Variants in KIAA1671 observed in about 807,000 individuals in gnomAD.
KIAA1671 encodes uncharacterized protein KIAA1671.
A neutral mutation model predicts 131.2 loss-of-function variants in KIAA1671; 52 were observed. That is an observed-to-expected ratio of 0.40 (90% CI 0.32 to 0.50). The LOEUF is 0.50. KIAA1671 is among the 20% of genes least tolerant of loss of function. The pLI, the probability that KIAA1671 is intolerant of heterozygous loss-of-function variation, is 0.73. For missense variants in KIAA1671, 2,360 were observed against 2,364.2 expected, an observed-to-expected ratio of 1.00 and a Z score of 0.04; for synonymous variants, 1,003 against 961.6, an observed-to-expected ratio of 1.04 and a Z score of -0.80.
At chr22:25,044,012 A>C (rs1174814056) in intron 5 of KIAA1671, among the ~76,000 whole-genome samples, 1 of 117,556 alleles carries the variant, frequency 8.5e-6, no homozygotes, top group East Asian at 1.9e-4. Context: ...GGATACAGTC[A>C]GTAATGATCA....
At chr22:25,067,406 C>T (rs1254605805) in intron 6 of KIAA1671, among the ~76,000 whole-genome samples, 3 of 152,146 alleles carry the variant, frequency 2.0e-5, no homozygotes, top group Admixed American at 1.3e-4. Context: ...GGCTTACTTT[C>T]TCTGACTTCC....
intron 1 of KIAA1671, among the ~76,000 whole-genome samples, chr22:24,967,681 T>C (rs1387746580): frequency 1.3e-5 from 2 of 152,146 alleles, no homozygotes; most frequent in Non-Finnish European, 2.9e-5. Flanking sequence ...GCAAAACCGT[T>C]TCCCTTGACA....
At position 25,003,965 on chromosome 22, in the gene KIAA1671, G is replaced by A. The variant is rs533509801; in HGVS notation, c.-207-21668G>A. 7.0e-4 allele frequency among the ~76,000 whole-genome samples: 106 copies of A among 150,708 alleles called. 1 individual carries two copies. The highest frequency in any genetic ancestry group is 1.9e-3 in the African/African-American group (79 of 40,898). On this transcript the variant is annotated intron_variant, in intron 1 of 12. Transcript: ENST00000358431. ...CCTGAGTAGCTGGGATTACAGGCGC[G>A]CGCCACCACACGCAGCTAATTTTTT...
At chr22:24,975,962 G>A (rs1186837004) in intron 1 of KIAA1671, among the ~76,000 whole-genome samples, 10 of 152,206 alleles carry the variant, frequency 6.6e-5, no homozygotes, top group Admixed American at 5.9e-4. Context: ...CACACTCCCC[G>A]CCACTATTCA....
In KIAA1671 at chr22:25,108,870, C is replaced by T. The variant is rs975662253; in HGVS notation, c.4530+59506C>T. On this transcript the variant is annotated intron_variant, in intron 6 of 12. Transcript: ENST00000358431. Reference sequence around the variant, plus strand: ...GTACTCAAGATACTGGCCAGGTCTACGGTCAGCTAAGGGTTTGACTAGAGA... The same window carrying T: ...GTACTCAAGATACTGGCCAGGTCTATGGTCAGCTAAGGGTTTGACTAGAGA... Among the ~76,000 whole-genome samples the T allele has an allele frequency of 2.6e-5, 4 of 152,098 alleles. No individual in the cohort carries two copies. The South Asian group carries it at 6.2e-4, about 24-fold the overall frequency.
In KIAA1671 at chr22:25,161,028, G is replaced by A. The variant is rs115292424; in HGVS notation, c.4531-9792G>A. The stretch of plus-strand genomic sequence containing the variant: ...TCTGCCCAGCCTCATATCCCATCTA[G>A]TTCCTTCTAGTCTGACCCCCTTCCT... On this transcript the variant is annotated intron_variant, in intron 6 of 12. Transcript: ENST00000358431. Among the ~76,000 whole-genome samples the A allele has an allele frequency of 6.8e-3, 1,038 of 152,192 alleles. 13 individuals are homozygous for A. The highest frequency in any genetic ancestry group is 0.024 in the African/African-American group (998 of 41,532).
intron 6 of KIAA1671, among the ~76,000 whole-genome samples, chr22:25,083,935 C>A (rs572706101): frequency 6.6e-6 from 1 of 152,210 alleles, no homozygotes; most frequent in Non-Finnish European, 1.5e-5. Flanking sequence ...CCCTATTTGC[C>A]GAGAGCAGCC....
chr22:25,064,921 C>A (rs1425448530), intron 6 of KIAA1671: 2 of 152,238 alleles, frequency 1.3e-5, no homozygotes, highest in Non-Finnish European at 2.9e-5. Context: ...CCATGGGGAG[C>A]TCCCAGCCCT....
intron 6 of KIAA1671, chr22:25,062,104 A>G (rs1042216361): frequency 6.7e-6 from 1 of 148,492 alleles, no homozygotes; most frequent in Non-Finnish European, 1.5e-5. Context: ...CAAGGCTGGT[A>G]TTGAACTCCT....
intron 12 of KIAA1671, among the ~76,000 whole-genome samples, 189 bp downstream of exon 12, chr22:25,190,973 G>A (rs1934654886): frequency 6.6e-6 from 1 of 152,080 alleles, no homozygotes; most frequent in Non-Finnish European, 1.5e-5. Context: ...TTTCCATTTA[G>A]GGAGAAAACA....
At chr22:25,143,370 A>G (rs1189554864) in intron 6 of KIAA1671, among the ~76,000 whole-genome samples, 1 of 152,240 alleles carries the variant, frequency 6.6e-6, no homozygotes, top group East Asian at 1.9e-4. Flanking sequence ...ATGTGTCAGA[A>G]AGCAACTGCC....
chr22:25,029,467 A>G lies in KIAA1671; in HGVS notation c.1468A>G (p.Ser490Gly). 1 of 1,551,278 alleles carries G rather than the reference A, an allele frequency of 6.4e-7. No individual in the cohort carries two copies. The highest frequency in any genetic ancestry group is 8.7e-7 in the Non-Finnish European group (1 of 1,146,802). The stretch of plus-strand genomic sequence containing the variant: ...ACGGATCAGAGGCTGGACTGCCGAG[A>G]GCTCAGAGGCTAAGCCCGAGGTCAG... ...QERIRGWTAESSEAKPEVRRR... is the reference protein window; with the variant it reads ...QERIRGWTAEGSEAKPEVRRR... Residue 490 changes from serine to glycine, a missense_variant, in exon 3 of 13, where the codon AGC (serine) becomes GGC (glycine). Ser to Gly is a moderately conservative substitution (Grantham distance 56). Around this residue, in one of 3 missense-constraint regions of KIAA1671, gnomAD observed 1,185 missense variants for 1,126.2 expected, o/e 1.05. Coordinates refer to ENST00000358431, the MANE Select transcript of KIAA1671 (RefSeq NM_001145206.2).
chr22:25,048,561 C>T (rs910282328), intron 5 of KIAA1671, among the ~76,000 whole-genome samples: 2 of 152,106 alleles, frequency 1.3e-5, no homozygotes, highest in Non-Finnish European at 2.9e-5. Context: ...GCCTTTGTTT[C>T]CTTGTCCACG....
chr22:25,174,421 G>A lies in KIAA1671; in HGVS notation c.4831G>A (p.Gly1611Arg). The A allele has an allele frequency of 6.5e-7, 1 of 1,549,494 alleles. No individual in the cohort carries two copies. Among genetic ancestry groups the A allele is most frequent in the Non-Finnish European group, 8.7e-7 (1 of 1,145,120 alleles). ...HSSTDLESTD[G>R]MEGPPPPDAC... is the part of the protein sequence containing the mutation. ...CAGCACTGACCTGGAATCCACCGAT[G>A]GGATGGAGGGGCCGCCTCCACCGGA... Residue 1611 changes from glycine to arginine, a missense_variant, in exon 8 of 13, where the codon GGG becomes AGG. Transcript: ENST00000358431.
intron 1 of KIAA1671, among the ~76,000 whole-genome samples, chr22:24,994,905 G>A (rs1339062131): frequency 6.6e-6 from 1 of 151,964 alleles, no homozygotes; most frequent in African/African-American, 2.4e-5. Flanking sequence ...GAGTTGGGGC[G>A]AGGGGTCCAC....
intron 1 of KIAA1671, chr22:25,024,600 A>G (rs1925836998): frequency 6.6e-6 from 1 of 152,242 alleles, no homozygotes; most frequent in Non-Finnish European, 1.5e-5. Flanking sequence ...CAGATTGCTT[A>G]GAGTCATTTG....
rs184345713 is a variant in KIAA1671 at position 25,112,495 on chromosome 22, C to T, written c.4531-58325C>T. The T allele has an allele frequency of 1.5e-4, 58 of 398,422 alleles. No homozygotes were observed. In the East Asian group the frequency reaches 1.8e-3, roughly 12 times the overall value. The allele number at this position is 398,422 out of a possible 1,614,324, so 24.7% of individuals were successfully genotyped here. On this transcript the variant is annotated intron_variant, in intron 6 of 12. Transcript: ENST00000358431. ...TATTATGTTTTAAAAAATATTAAAA[C>T]AACACTGAAAGCTCCTCCCCTCCAG...
intron 5 of KIAA1671, among the ~76,000 whole-genome samples, chr22:25,048,727 T>C (rs1012841008): frequency 2.0e-5 from 3 of 152,146 alleles, no homozygotes; most frequent in East Asian, 3.9e-4. Flanking sequence ...TGTCTATGCA[T>C]GTGTGTTTGG....
At chr22:25,019,634 A>T (rs1419372522) in intron 1 of KIAA1671, among the ~76,000 whole-genome samples, 3 of 150,074 alleles carry the variant, frequency 2.0e-5, no homozygotes, top group Non-Finnish European at 3.0e-5. Context: ...TCTCTTCCAG[A>T]CCTCTGTCAT....
Sources: gnomAD v4.1 joint callset for allele counts (sites outside exome capture counted in the v4.1 genomes callset) on GRCh38, gnomAD v4.1.1 for gene constraint, gnomAD v4.1.1 regional missense constraint, MANE v1.5 for transcripts, NCBI Gene and HGNC (gene_info 2026-07-23, HGNC 2026-07-21) for gene names.